PLCL2: variants seen among roughly 807,000 people sequenced by gnomAD.
The protein encoded by PLCL2 is phospholipase C like 2.
In PLCL2, 4 loss-of-function variants were observed where a neutral mutation model predicts 79.6. The ratio of observed to expected loss-of-function variants is 0.05; its 90% CI spans 0.02 to 0.11. The LOEUF (loss-of-function observed/expected upper bound fraction) is 0.11. Among genes scored for constraint, PLCL2 ranks in the 10% least tolerant of loss-of-function variants. PLCL2 has a pLI of 1.00. For missense variants in PLCL2, 895 were observed against 1,291.0 expected (o/e 0.69, Z 4.70); for synonymous variants, 484 against 457.7 (o/e 1.06, Z -0.73).
chr3:17,073,488 G>T (rs1223154431), intron 5 of PLCL2, among the ~76,000 whole-genome samples: 1 of 152,180 alleles, frequency 6.6e-6, no homozygotes, highest in East Asian at 1.9e-4. Flanking sequence ...GAGGGTGGTG[G>T]TTGCTGAAGG....
chr3:17,047,917 T>C (rs949502600), intron 4 of PLCL2, among the ~76,000 whole-genome samples: 2 of 152,144 alleles, frequency 1.3e-5, no homozygotes, highest in African/African-American at 4.8e-5. Context: ...TGCTCTTTTT[T>C]TCTCTTACAT....
intron 1 of PLCL2, among the ~76,000 whole-genome samples, chr3:16,952,696 T>A (rs1437133239): frequency 6.6e-6 from 1 of 151,958 alleles, no homozygotes; most frequent in East Asian, 1.9e-4. Context: ...CAATAAAAGG[T>A]TATTTTTGAA....
intron 1 of PLCL2, among the ~76,000 whole-genome samples, chr3:16,978,515 A>C (rs185310289): frequency 1.6e-4 from 24 of 152,374 alleles, no homozygotes; most frequent in African/African-American, 5.8e-4. Context: ...TATAATGGGA[A>C]GTAGCAAAGG....
At chr3:16,923,912 T>C (rs1697183443) in intron 1 of PLCL2, among the ~76,000 whole-genome samples, 1 of 151,918 alleles carries the variant, frequency 6.6e-6, no homozygotes, top group African/African-American at 2.4e-5. Flanking sequence ...TTCTTTTAAG[T>C]TATTATACTT....
intron 1 of PLCL2, among the ~76,000 whole-genome samples, chr3:16,954,192 A>G (rs1270813954): frequency 6.6e-6 from 1 of 152,092 alleles, no homozygotes; most frequent in Admixed American, 6.6e-5. Flanking sequence ...CCAGCCCACA[A>G]CAGTCACTGG....
At chr3:16,980,276 C>G (rs1200258045) in intron 1 of PLCL2, among the ~76,000 whole-genome samples, 1 of 125,256 alleles carries the variant, frequency 8.0e-6, no homozygotes, top group African/African-American at 2.8e-5. Flanking sequence ...GGGGGGCTGA[C>G]CCCCCCCACC....
rs1251894641 is a variant in PLCL2 at position 17,010,436 on chromosome 3, A to G, written c.1090A>G (p.Met364Val). ...NKEFLDTKDL[M>V]MFLEAEQGVA... The stretch of plus-strand genomic sequence containing the variant: ...AGAATTCCTTGATACCAAGGACCTT[A>G]TGATGTTTCTTGAGGCAGAACAGGG... Residue 364 changes from methionine to valine, a missense_variant, in exon 2 of 6, where the codon ATG becomes GTG. Transcript: ENST00000615277. The surrounding 1 kb of genome is among the most constrained non-coding windows in gnomAD (Gnocchi z 5.8). 6.2e-7 allele frequency: 1 copy of G among 1,613,984 alleles called. No homozygotes were observed. The highest frequency in any genetic ancestry group is 1.1e-5 in the South Asian group (1 of 91,074).
chr3:17,029,925 A>G (rs1172947563), intron 3 of PLCL2, among the ~76,000 whole-genome samples: 1 of 152,168 alleles, frequency 6.6e-6, no homozygotes, highest in Non-Finnish European at 1.5e-5. Context: ...CATGTTTTGC[A>G]AAGGACACAT....
intron 1 of PLCL2, among the ~76,000 whole-genome samples, chr3:16,885,910 G>A (rs1053038167): frequency 2.0e-5 from 3 of 152,192 alleles, no homozygotes; most frequent in Non-Finnish European, 4.4e-5. Flanking sequence ...AAGAAAAATA[G>A]AGTAGATTTC....
At chr3:17,068,581 T>C (rs990744284) in intron 5 of PLCL2, among the ~76,000 whole-genome samples, 1 of 152,258 alleles carries the variant, frequency 6.6e-6, no homozygotes, top group African/African-American at 2.4e-5. Flanking sequence ...TGCTATCTGC[T>C]ATCTCTATGC....
At chr3:17,022,392 T>C (rs1264742100) in intron 3 of PLCL2, among the ~76,000 whole-genome samples, 2 of 152,192 alleles carry the variant, frequency 1.3e-5, no homozygotes, top group Non-Finnish European at 2.9e-5. Flanking sequence ...TCAAGGCTTA[T>C]TTTTGATACT....
chr3:16,942,372 T>C (rs1042892989), intron 1 of PLCL2, among the ~76,000 whole-genome samples: 11 of 152,202 alleles, frequency 7.2e-5, no homozygotes, highest in African/African-American at 2.4e-4. Context: ...ACCAGGATGG[T>C]GGAGGAAGGA....
At chr3:16,922,807 C>T (rs1697154027) in intron 1 of PLCL2, among the ~76,000 whole-genome samples, 1 of 151,814 alleles carries the variant, frequency 6.6e-6, no homozygotes, top group Non-Finnish European at 1.5e-5. Context: ...GGGTAAAGTA[C>T]AGGGTTTAAT....
intron 1 of PLCL2, among the ~76,000 whole-genome samples, chr3:17,007,144 A>G (rs1228152507): frequency 6.6e-6 from 1 of 152,176 alleles, no homozygotes; most frequent in Non-Finnish European, 1.5e-5. Flanking sequence ...ATCAAAGGTA[A>G]ATGCGTCTTT....
intron 1 of PLCL2, among the ~76,000 whole-genome samples, chr3:16,926,920 C>T (rs566353421): frequency 2.0e-5 from 3 of 152,104 alleles, no homozygotes; most frequent in East Asian, 1.9e-4. Context: ...TAAGCCACCG[C>T]GCCCGGCCAC....
intron 5 of PLCL2, among the ~76,000 whole-genome samples, chr3:17,087,147 A>C (rs1319450997): frequency 3.9e-5 from 6 of 152,228 alleles, no homozygotes; most frequent in African/African-American, 1.2e-4. Context: ...CAGCGATCAT[A>C]CCCCTTGGAA....
chr3:17,024,797 T>C (rs375928248), intron 3 of PLCL2, among the ~76,000 whole-genome samples: 2 of 152,222 alleles, frequency 1.3e-5, no homozygotes, highest in South Asian at 4.1e-4. Flanking sequence ...CTGCTCCCTA[T>C]TACTTGGGAC....
At chr3:16,999,648 G>T (rs2064187235) in intron 1 of PLCL2, among the ~76,000 whole-genome samples, 1 of 152,180 alleles carries the variant, frequency 6.6e-6, no homozygotes, top group Non-Finnish European at 1.5e-5. Context: ...CTCACATCTT[G>T]TGGCGCATAG....
At chr3:17,082,419 A>G (rs2065172475) in intron 5 of PLCL2, among the ~76,000 whole-genome samples, 1 of 151,990 alleles carries the variant, frequency 6.6e-6, no homozygotes, top group South Asian at 2.1e-4. Flanking sequence ...GGCATGAGCC[A>G]CCGCGCCTGG....
Sources: allele counts gnomAD v4.1 joint callset (sites outside exome capture counted in the v4.1 genomes callset), GRCh38; gene constraint gnomAD v4.1.1; non-coding constraint Gnocchi (gnomAD v3.1); transcripts MANE v1.5; gene names NCBI Gene and HGNC (gene_info 2026-07-23, HGNC 2026-07-21).